Variants in SLC23A2 observed in about 807,000 individuals in gnomAD.
The protein encoded by SLC23A2 is solute carrier family 23 member 2.
SLC23A2 carries 36 observed loss-of-function variants against 73.3 expected under a neutral mutation model. The ratio of observed to expected loss-of-function variants is 0.49; its 90% confidence interval spans 0.38 to 0.65. The LOEUF is 0.65. SLC23A2 is among the 30% of genes least tolerant of loss of function. The pLI, the probability that SLC23A2 is intolerant of heterozygous loss-of-function variation, is 0.00. For synonymous variants in SLC23A2, 343 were observed against 327.3 expected, an observed-to-expected ratio of 1.05 and a Z score of -0.52; for missense variants, 507 against 841.6, an observed-to-expected ratio of 0.60 and a Z score of 4.92.
intron 4 of SLC23A2, among the ~76,000 whole-genome samples, chr20:4,910,129 T>C (rs2122889036): frequency 6.6e-6 from 1 of 152,114 alleles, no homozygotes; most frequent in South Asian, 2.1e-4. Flanking sequence ...TCTGAGCACT[T>C]TGGGAGGCCA....
intron 13 of SLC23A2, among the ~76,000 whole-genome samples, chr20:4,864,959 C>T (rs1211988256): frequency 6.6e-6 from 1 of 152,232 alleles, no homozygotes; most frequent in African/African-American, 2.4e-5. Flanking sequence ...GCCTTTGATG[C>T]TGTCAACAAT....
At chr20:4,972,686 A>G (rs1399472683) in intron 1 of SLC23A2, among the ~76,000 whole-genome samples, 1 of 152,048 alleles carries the variant, frequency 6.6e-6, no homozygotes, top group East Asian at 1.9e-4. Flanking sequence ...CCCGGGTTCA[A>G]GCGATTCTCT....
At position 4,977,334 on chromosome 20, in the gene SLC23A2, T is replaced by C. The variant is rs115966702; in HGVS notation, c.-281-6415A>G. Among the ~76,000 whole-genome samples the C allele has an allele frequency of 7.5e-3, 1,137 of 152,258 alleles. 19 individuals are homozygous for C. Among genetic ancestry groups the C allele is most frequent in the African/African-American group, 0.027 (1,108 of 41,526 alleles). ...GATGTAGGTGGTGTCCTATTTCTTT[T>C]TGTTTTTCTACTTTAACCATTATTA... On this transcript the variant is annotated intron_variant, in intron 1 of 16. Coordinates refer to ENST00000338244, the MANE Select transcript of SLC23A2 (RefSeq NM_005116.6).
chr20:4,925,282 T>G (rs1158639002), intron 3 of SLC23A2, among the ~76,000 whole-genome samples: 2 of 152,194 alleles, frequency 1.3e-5, no homozygotes, highest in Non-Finnish European at 2.9e-5. Context: ...GTTCCTATTT[T>G]TAAAAGGACA....
intron 1 of SLC23A2, among the ~76,000 whole-genome samples, chr20:5,009,984 A>G (rs1454540260): frequency 6.6e-6 from 1 of 151,658 alleles, no homozygotes; most frequent in Non-Finnish European, 1.5e-5. Flanking sequence ...AGTCCCAGCT[A>G]CTTGGGAGGC....
chr20:4,949,161 A>C (rs2087160244), intron 2 of SLC23A2, among the ~76,000 whole-genome samples: 1 of 151,814 alleles, frequency 6.6e-6, no homozygotes, highest in African/African-American at 2.4e-5. Context: ...GGTGGCAGGC[A>C]CCTGTAATCC....
intron 2 of SLC23A2, among the ~76,000 whole-genome samples, chr20:4,935,186 CAA>C (rs34200051): frequency 0.014 from 927 of 68,032 alleles, 6 homozygotes; most frequent in African/African-American, 0.054. Flanking sequence ...GACTCCGTCT[CAA>C]AAAAAAAAAA....
chr20:4,872,083 T>C lies in SLC23A2; in HGVS notation c.1102+1853A>G, dbSNP rs1930470636. ...TTCATATCTCCTTTTACCAAGAAACTTTCATTTAGTTTGTTACTTGACAGC... is the reference window on the plus strand; with the variant it reads ...TTCATATCTCCTTTTACCAAGAAACCTTCATTTAGTTTGTTACTTGACAGC... On this transcript the variant is annotated intron_variant, in intron 11 of 16. Transcript: ENST00000338244. This position sits in a 1 kb window ranked among gnomAD's most constrained non-coding sequence, Gnocchi z 4.4. Among the ~76,000 whole-genome samples the C allele has an allele frequency of 6.6e-6, 1 of 152,164 alleles. No individual in the cohort carries two copies. The highest frequency in any genetic ancestry group is 1.5e-5 in the Non-Finnish European group (1 of 68,024).
intron 3 of SLC23A2, among the ~76,000 whole-genome samples, chr20:4,930,394 T>C (rs543395422): frequency 1.3e-5 from 2 of 152,244 alleles, no homozygotes; most frequent in Non-Finnish European, 2.9e-5. Flanking sequence ...TTCAAAATTT[T>C]TCATTATAGG....
chr20:4,879,636 T>C (rs1930801962), intron 9 of SLC23A2, among the ~76,000 whole-genome samples: 2 of 152,000 alleles, frequency 1.3e-5, no homozygotes, highest in Admixed American at 6.5e-5. Context: ...TGAGCTGAGA[T>C]TGTGCCACTG....
chr20:4,890,478 C>A (rs1931290335), intron 6 of SLC23A2, among the ~76,000 whole-genome samples: 1 of 151,944 alleles, frequency 6.6e-6, no homozygotes, highest in Non-Finnish European at 1.5e-5. Flanking sequence ...CATGGAGAAA[C>A]CCCATCTCTA....
At chr20:4,927,734 T>A (rs1251500744) in intron 3 of SLC23A2, among the ~76,000 whole-genome samples, 2 of 152,272 alleles carry the variant, frequency 1.3e-5, no homozygotes, top group Middle Eastern at 6.8e-3. Flanking sequence ...TCTCCTTCTT[T>A]GGCCCTCAAA....
chr20:4,874,633 A>G lies in SLC23A2; in HGVS notation c.888T>C (p.Ile296=). The G allele has an allele frequency of 1.2e-6, 2 of 1,612,896 alleles. No homozygotes were observed. Among genetic ancestry groups the G allele is most frequent in the Non-Finnish European group, 1.7e-6 (2 of 1,179,150 alleles). ...CAGTCCATCCTTTCTTGGATTTATA[A>G]ATCGGGAGAGGAAATTTAACATTTC... ...YARNVKFPLP[I]YKSKKGWTAY... Residue 296 remains isoleucine (I), a synonymous_variant, in exon 10 of 17, where the codon ATT becomes ATC. Coordinates refer to ENST00000338244, the MANE Select transcript of SLC23A2 (RefSeq NM_005116.6).
upstream of SLC23A2, among the ~76,000 whole-genome samples, chr20:5,001,974 T>C (rs2088134818): frequency 6.6e-6 from 1 of 152,162 alleles, no homozygotes; most frequent in Admixed American, 6.5e-5. Flanking sequence ...TTAACCTAAC[T>C]GGAGAAGAAG....
At chr20:4,873,492 T>C (rs568799107) in intron 11 of SLC23A2, among the ~76,000 whole-genome samples, 59 of 152,296 alleles carry the variant, frequency 3.9e-4, no homozygotes, top group Non-Finnish European at 7.1e-4. Context: ...TTTAAAAGAT[T>C]ATGGCTGCCC....
intron 9 of SLC23A2, 83 bp from the exon 10 acceptor site, chr20:4,874,779 T>C (rs1385258564): frequency 1.7e-6 from 2 of 1,196,118 alleles, no homozygotes; most frequent in South Asian, 1.6e-5. Flanking sequence ...TATGGCAAAA[T>C]TGACATAGTG....
chr20:4,891,829 T>C (rs1931341447), intron 6 of SLC23A2, among the ~76,000 whole-genome samples: 1 of 152,158 alleles, frequency 6.6e-6, no homozygotes. Flanking sequence ...CAGCTCACTG[T>C]AGCCTTGACC....
chr20:5,003,769 C>T (rs185953545), upstream of SLC23A2, among the ~76,000 whole-genome samples: 4 of 152,116 alleles, frequency 2.6e-5, no homozygotes, highest in Non-Finnish European at 5.9e-5. Context: ...TCTGCCCAAC[C>T]TCCCCTGCCA....
At chr20:4,966,809 TAC>T (rs56931121) in intron 2 of SLC23A2, among the ~76,000 whole-genome samples, 12,092 of 109,328 alleles carry the variant, frequency 0.11, 639 homozygotes, top group East Asian at 0.39. Flanking sequence ...TTGATAGTTT[TAC>T]ACACACACAC....
Sources: allele counts gnomAD v4.1 joint callset (sites outside exome capture counted in the v4.1 genomes callset), GRCh38; gene constraint gnomAD v4.1.1; non-coding constraint Gnocchi (gnomAD v3.1); transcripts MANE v1.5; gene names NCBI Gene and HGNC (gene_info 2026-07-23, HGNC 2026-07-21).